The following VEPH1 variants were observed in gnomAD, a reference collection of about 807,000 sequenced individuals.
The protein encoded by VEPH1 is ventricular zone-expressed PH domain-containing protein homolog 1.
In VEPH1, 80 loss-of-function variants were observed where a neutral mutation model predicts 85.2. The ratio of observed to expected loss-of-function variants is 0.94; its 90% confidence interval spans 0.78 to 1.13. The LOEUF (loss-of-function observed/expected upper bound fraction) is 1.13, where lower values mean the gene tolerates loss of function less well. VEPH1 is among the 50% of genes most tolerant of loss of function. The pLI is 0.00. For synonymous variants in VEPH1, 297 were observed against 348.0 expected (o/e 0.85, Z 1.63); for missense variants, 955 against 980.5 (o/e 0.97, Z 0.35).
intron 3 of VEPH1, among the ~76,000 whole-genome samples, chr3:157,469,929 G>A (rs994488038): frequency 3.3e-5 from 5 of 152,130 alleles, no homozygotes; most frequent in Admixed American, 6.6e-5. Context: ...GGTCCCGAGC[G>A]CACTGCCCCT....
At chr3:157,474,198 A>T (rs1413276120) in intron 2 of VEPH1, among the ~76,000 whole-genome samples, 1 of 152,124 alleles carries the variant, frequency 6.6e-6, no homozygotes, top group East Asian at 1.9e-4. Flanking sequence ...TCCTGCAACT[A>T]ATGTGTCTAT....
rs190244209 is a variant in VEPH1 at position 157,334,799 on chromosome 3, C to T, written c.1736-17598G>A. Among the ~76,000 whole-genome samples, 10 of 152,130 alleles carry T rather than the reference C, an allele frequency of 6.6e-5. No homozygotes were observed. In the East Asian group the frequency reaches 7.7e-4, roughly 12 times the overall value. ...TGCTAGGCCTAGATAAATAAAATAG[C>T]GGGCACCTAGAGGAGCAAGAGTTTG... On this transcript the variant is annotated intron_variant, in intron 9 of 13. Transcript: ENST00000362010.
At chr3:157,265,202 C>G (rs1173607248) in intron 13 of VEPH1, among the ~76,000 whole-genome samples, 1 of 152,118 alleles carries the variant, frequency 6.6e-6, no homozygotes, top group African/African-American at 2.4e-5. Flanking sequence ...AAAATCAGAG[C>G]CAATATCATA....
chr3:157,406,813 T>A (rs902911318), intron 6 of VEPH1, among the ~76,000 whole-genome samples: 1 of 152,098 alleles, frequency 6.6e-6, no homozygotes, highest in African/African-American at 2.4e-5. Flanking sequence ...TCTACTGCCT[T>A]GTAGGTCTGG....
chr3:157,442,564 C>A (rs1734210100), intron 4 of VEPH1: 1 of 1,614,074 alleles, frequency 6.2e-7, no homozygotes, highest in Non-Finnish European at 8.5e-7. Flanking sequence ...AGCTACCAAT[C>A]CATAGTGTTT....
chr3:157,480,623 G>A (rs1737950586), intron 2 of VEPH1, among the ~76,000 whole-genome samples: 1 of 152,002 alleles, frequency 6.6e-6, no homozygotes, highest in Admixed American at 6.6e-5. Context: ...TGCTGCAAAG[G>A]ACATGACTTT....
intron 4 of VEPH1, among the ~76,000 whole-genome samples, chr3:157,440,586 A>G (rs1489449896): frequency 6.6e-6 from 1 of 152,094 alleles, no homozygotes; most frequent in Admixed American, 6.5e-5. Context: ...ACATACACAT[A>G]CACACATATA....
At chr3:157,301,054 T>A in intron 11 of VEPH1, among the ~76,000 whole-genome samples, 1 of 152,150 alleles carries the variant, frequency 6.6e-6, no homozygotes, top group East Asian at 1.9e-4. Flanking sequence ...GGAGTGTGAG[T>A]CTACTGATAC....
chr3:157,333,839 TC>T (rs1208299339), intron 9 of VEPH1, among the ~76,000 whole-genome samples: 1 of 151,928 alleles, frequency 6.6e-6, no homozygotes, highest in Non-Finnish European at 1.5e-5. Context: ...CTAAAATGGG[TC>T]CGTTTACATT....
chr3:157,474,602 G>T (rs919540617), intron 2 of VEPH1, among the ~76,000 whole-genome samples: 1 of 152,054 alleles, frequency 6.6e-6, no homozygotes, highest in Non-Finnish European at 1.5e-5. Context: ...CTTGATCATC[G>T]TCTGGGTCCA....
intron 7 of VEPH1, among the ~76,000 whole-genome samples, chr3:157,380,916 C>A (rs1279368056): frequency 6.6e-6 from 1 of 152,164 alleles, no homozygotes; most frequent in African/African-American, 2.4e-5. Context: ...ATATTACTTG[C>A]ACTATGTTCT....
chr3:157,406,811 C>T (rs1410138316), intron 6 of VEPH1, among the ~76,000 whole-genome samples: 1 of 152,038 alleles, frequency 6.6e-6, no homozygotes, highest in Non-Finnish European at 1.5e-5. Context: ...GGTCTACTGC[C>T]TTGTAGGTCT....
chr3:157,317,117 A>G lies in VEPH1; in HGVS notation c.1820T>C (p.Ile607Thr). 2 of 1,613,796 alleles carry G rather than the reference A, an allele frequency of 1.2e-6. No homozygotes were observed. Among genetic ancestry groups the G allele is most frequent in the Non-Finnish European group, 1.7e-6 (2 of 1,179,830 alleles). The stretch of plus-strand genomic sequence containing the variant: ...TGGCTGAGGTTCTTGGCTGATGAGA[A>G]TAAAACTGGACTTACTGTATAGGCA... ...HYCLYSKSSFILISQEPQPWI... is the reference protein window; with the variant it reads ...HYCLYSKSSFTLISQEPQPWI... Residue 607 changes from isoleucine to threonine, a missense_variant, in exon 10 of 14, where the codon ATT becomes ACT. By Grantham distance (89) the Ile-to-Thr change is moderately conservative (BLOSUM62 -1). Coordinates refer to ENST00000362010, the MANE Select transcript of VEPH1 (RefSeq NM_001167912.2).
In VEPH1 at chr3:157,497,452, C is replaced by T. The variant is rs147606232; in HGVS notation, c.-157-1946G>A. ...TGTGGGAGGGTGAATCACAATATCTCTAAGGAAAATCAGCACAGTGTTTTC... is the reference window on the plus strand; with the variant it reads ...TGTGGGAGGGTGAATCACAATATCTTTAAGGAAAATCAGCACAGTGTTTTC... On this transcript the variant is annotated intron_variant, in intron 1 of 13. Transcript: ENST00000362010. Among the ~76,000 whole-genome samples the T allele has an allele frequency of 1.5e-3, 230 of 152,270 alleles. 1 individual carries two copies. The highest frequency in any genetic ancestry group is 5.4e-3 in the African/African-American group (226 of 41,558).
At chr3:157,341,171 T>C (rs931262166) in intron 9 of VEPH1, among the ~76,000 whole-genome samples, 3 of 152,192 alleles carry the variant, frequency 2.0e-5, no homozygotes, top group South Asian at 2.1e-4. Flanking sequence ...CAAAGCTGGA[T>C]GGAGAATGAC....
intron 11 of VEPH1, among the ~76,000 whole-genome samples, chr3:157,287,277 A>AG (rs560212872): frequency 1.9e-4 from 29 of 152,238 alleles, no homozygotes; most frequent in African/African-American, 6.0e-4. Context: ...CAGGAGGCTG[A>AG]GGTGAGAGGA....
At chr3:157,460,387 A>G in intron 3 of VEPH1, 32 bp from the exon 4 acceptor site, 18 of 1,592,844 alleles carry the variant, frequency 1.1e-5, no homozygotes, top group Non-Finnish European at 1.5e-5. Context: ...ACAAATAATA[A>G]GTGACTCATT....
chr3:157,395,863 C>T (rs1730328187), intron 6 of VEPH1, among the ~76,000 whole-genome samples: 1 of 151,996 alleles, frequency 6.6e-6, no homozygotes, highest in Non-Finnish European at 1.5e-5. Flanking sequence ...CTCCCTCTTC[C>T]CACCCTCCCG....
intron 7 of VEPH1, among the ~76,000 whole-genome samples, chr3:157,374,380 G>C (rs1577485019): frequency 6.6e-6 from 1 of 152,218 alleles, no homozygotes; most frequent in Non-Finnish European, 1.5e-5. Context: ...ATGCTGACCA[G>C]AATGTCCCAT....
Sources: allele counts gnomAD v4.1 joint callset (sites outside exome capture counted in the v4.1 genomes callset), GRCh38; gene constraint gnomAD v4.1.1; transcripts MANE v1.5; gene names NCBI Gene and HGNC (gene_info 2026-07-23, HGNC 2026-07-21).